Variants in LMO7 observed in about 807,000 individuals in gnomAD.
LMO7 encodes LIM domain 7.
A neutral mutation model predicts 206.5 loss-of-function variants in LMO7; 120 were observed. The observed-to-expected ratio is 0.58, with a 90% CI of 0.50 to 0.68. The LOEUF is 0.68. LMO7 is among the 30% of genes least tolerant of loss of function. The pLI, the probability that LMO7 is intolerant of heterozygous loss-of-function variation, is 0.00. For synonymous variants in LMO7, 706 were observed against 681.5 expected (o/e 1.04, Z -0.56); for missense variants, 1,959 against 1,957.9 (o/e 1.00, Z -0.01).
chr13:75,836,482 A>G lies in LMO7; in HGVS notation c.3394+25A>G. The G allele has an allele frequency of 1.7e-6, 2 of 1,201,906 alleles. 1 individual carries two copies. Among genetic ancestry groups the G allele is most frequent in the South Asian group, 2.8e-5 (2 of 71,146 alleles). The allele number at this position is 1,201,906 out of a possible 1,614,324, so 74.5% of individuals were successfully genotyped here. On this transcript the variant is annotated intron_variant, in intron 19 of 30. Transcript: ENST00000377534. ...GGTAAATATCACCTTTATAACTTAC[A>G]TTTATAATACAGGAAAAGACATAGC...
At chr13:75,761,204 G>C (rs1305250966) in intron 4 of LMO7, among the ~76,000 whole-genome samples, 166 bp downstream of exon 4, 1 of 152,022 alleles carries the variant, frequency 6.6e-6, no homozygotes, top group Non-Finnish European at 1.5e-5. Context: ...AATGGCTTAG[G>C]GACTGTGAAG....
At chr13:75,700,964 T>C (rs909513604) in intron 1 of LMO7, among the ~76,000 whole-genome samples, 1 of 152,256 alleles carries the variant, frequency 6.6e-6, no homozygotes, top group Non-Finnish European at 1.5e-5. Flanking sequence ...ATTCCAGTGA[T>C]TGCTGAATCA....
At position 75,776,952 on chromosome 13, in the gene LMO7, G is replaced by T. The variant is rs543941939; in HGVS notation, c.317+15914G>T. Reference sequence around the variant, plus strand: ...AAAATCAGAATACCAGAGCTGGAAGGTACTAAGGACATAATCTCATTCAGG... The same window carrying T: ...AAAATCAGAATACCAGAGCTGGAAGTTACTAAGGACATAATCTCATTCAGG... On this transcript the variant is annotated intron_variant, in intron 4 of 30. Coordinates refer to ENST00000377534, the MANE Select transcript of LMO7 (RefSeq NM_001306080.2). Among the ~76,000 whole-genome samples the T allele has an allele frequency of 3.9e-5, 6 of 152,310 alleles. 1 individual carries two copies. In the South Asian group the frequency reaches 1.2e-3, roughly 32 times the overall value.
chr13:75,683,437 A>G (rs534050407), intron 1 of LMO7, among the ~76,000 whole-genome samples: 16 of 152,216 alleles, frequency 1.1e-4, no homozygotes, highest in Non-Finnish European at 2.2e-4. Flanking sequence ...TGGTTTGCAT[A>G]TAGAAGTCCA....
chr13:75,786,762 A>G (rs2052511155), intron 4 of LMO7, among the ~76,000 whole-genome samples: 2 of 152,108 alleles, frequency 1.3e-5, no homozygotes, highest in South Asian at 4.1e-4. Flanking sequence ...AACTCCACTA[A>G]TTACATCTCT....
chr13:75,771,545 T>TCTTTAAAAACAGAATTTTAAAAGA (rs2049690425), intron 4 of LMO7, among the ~76,000 whole-genome samples: 1 of 139,322 alleles, frequency 7.2e-6, no homozygotes, highest in African/African-American at 2.7e-5. Flanking sequence ...ATAGAATTAG[T>TCTTTAAAAACAGAATTTTAAAAGA]CTTTAAAAAC....
At chr13:75,802,914 A>T (rs1755600743) in intron 7 of LMO7, among the ~76,000 whole-genome samples, 1 of 152,232 alleles carries the variant, frequency 6.6e-6, no homozygotes, top group Admixed American at 6.5e-5. Context: ...GAAAACTCAT[A>T]TCAAGAATGA....
chr13:75,710,607 A>C (rs911363584), intron 1 of LMO7, among the ~76,000 whole-genome samples: 63 of 151,540 alleles, frequency 4.2e-4, no homozygotes, highest in African/African-American at 1.5e-3. Flanking sequence ...TTTGTCTGTT[A>C]TTGGTGTATA....
chr13:75,794,433 A>G (rs902026296), intron 4 of LMO7, among the ~76,000 whole-genome samples: 2 of 152,196 alleles, frequency 1.3e-5, no homozygotes, highest in Non-Finnish European at 2.9e-5. Context: ...TAAGTTAAAA[A>G]TTAGTCTCTG....
At chr13:75,775,100 G>T (rs920047796) in intron 4 of LMO7, among the ~76,000 whole-genome samples, 2 of 152,090 alleles carry the variant, frequency 1.3e-5, no homozygotes, top group Non-Finnish European at 2.9e-5. Flanking sequence ...AAAACTAGCT[G>T]TTGGAATTAA....
At chr13:75,748,549 A>G (rs1302157014) in intron 3 of LMO7, among the ~76,000 whole-genome samples, 2 of 152,220 alleles carry the variant, frequency 1.3e-5, no homozygotes, top group African/African-American at 4.8e-5. Flanking sequence ...TTAGCTTAGG[A>G]AAATTAGCTA....
Position 75,823,615 on chromosome 13 carries a change from T to C in LMO7, c.2691T>C (p.Thr897=), listed in dbSNP as rs1201568539. The change falls in exon 15 of 31, where the codon ACT becomes ACC. Residue 897 remains threonine, a synonymous_variant. Coordinates refer to ENST00000377534, the MANE Select transcript of LMO7 (RefSeq NM_001306080.2). The stretch of plus-strand genomic sequence containing the variant: ...GAGATGTTGAAGACATTAAGAGAAC[T>C]CCAAACAATGTGGTCAGCACCCCTG... ...YNGDVEDIKR[T]PNNVVSTPAP... is the part of the protein sequence containing the mutation. The C allele has an allele frequency of 6.2e-7, 1 of 1,614,094 alleles. No individual in the cohort carries two copies. The highest frequency in any genetic ancestry group is 1.1e-5 in the South Asian group (1 of 91,078).
chr13:75,769,906 C>A (rs752107604), intron 4 of LMO7, among the ~76,000 whole-genome samples: 1 of 152,036 alleles, frequency 6.6e-6, no homozygotes, highest in African/African-American at 2.4e-5. Context: ...TGGAGAAAAT[C>A]GTCGAAGGAA....
chr13:75,627,387 C>T (rs2034338409), intron 2 of LMO7: 1 of 152,188 alleles, frequency 6.6e-6, no homozygotes, highest in South Asian at 2.1e-4. Context: ...AGGTTAAATA[C>T]TTAACAATAT....
chr13:75,680,904 T>C (rs2040426674), intron 1 of LMO7, among the ~76,000 whole-genome samples: 1 of 152,222 alleles, frequency 6.6e-6, no homozygotes, highest in African/African-American at 2.4e-5. Flanking sequence ...TGATTCGCAT[T>C]TCGCTAATCA....
chr13:75,691,555 T>C (rs184259836), intron 1 of LMO7, among the ~76,000 whole-genome samples: 1 of 152,272 alleles, frequency 6.6e-6, no homozygotes, highest in East Asian at 1.9e-4. Context: ...CTCTGGCCTC[T>C]GGAGCAGTTG....
chr13:75,630,223 T>C (rs1015491025), intron 2 of LMO7, among the ~76,000 whole-genome samples: 15 of 152,228 alleles, frequency 9.9e-5, no homozygotes, highest in African/African-American at 3.6e-4. Context: ...CCCAGATCCA[T>C]AGTTGGTTGA....
chr13:75,716,885 G>A (rs1406325735), intron 2 of LMO7, among the ~76,000 whole-genome samples: 1 of 117,808 alleles, frequency 8.5e-6, no homozygotes. Flanking sequence ...ATATTCAAAT[G>A]AAAACACTCT....
chr13:75,838,455 A>T lies in LMO7; in HGVS notation c.3451+259A>T, dbSNP rs1258097974. On this transcript the variant is annotated intron_variant, in intron 20 of 30. Transcript: ENST00000377534. ...TTACTTTTTTTTTTTTAACTTTGTA[A>T]AAAAAAAAAAAAAAAAAAAGGGAGA... is the stretch of plus-strand genomic sequence containing the variant. 6.9e-4 allele frequency: 60 copies of T among 87,186 alleles called. No individual in the cohort carries two copies. The Admixed American group carries it at 0.012, about 18-fold the overall frequency. The allele number at this position is 87,186 out of a possible 1,614,324, so 5.4% of individuals were successfully genotyped here. A position where few individuals can be genotyped will look rare whatever the true frequency, so the allele number is the denominator to read the frequency against.
Sources: allele counts gnomAD v4.1 joint callset (sites outside exome capture counted in the v4.1 genomes callset), GRCh38; gene constraint gnomAD v4.1.1; transcripts MANE v1.5; gene names NCBI Gene and HGNC (gene_info 2026-07-23, HGNC 2026-07-21).